DDR2: variants seen among roughly 807,000 people sequenced by gnomAD.
DDR2 encodes discoidin domain receptor tyrosine kinase 2, also known as discoidin domain-containing receptor 2.
Under a neutral mutation model 94.9 loss-of-function variants are expected in DDR2, and 27 were observed. The ratio of observed to expected loss-of-function variants is 0.28; its 90% CI spans 0.21 to 0.39. DDR2 has a LOEUF of 0.39. DDR2 is among the 10% of genes least tolerant of loss of function. The pLI is 1.00. For synonymous variants in DDR2, 382 were observed against 377.2 expected (o/e 1.01, Z -0.15); for missense variants, 783 against 1,076.0 (o/e 0.73, Z 3.81).
intron 2 of DDR2, among the ~76,000 whole-genome samples, chr1:162,678,708 C>G (rs1482596091): frequency 1.3e-5 from 2 of 152,148 alleles, no homozygotes; most frequent in African/African-American, 4.8e-5. Context: ...TCCCGTAAAA[C>G]CGTCTGTCCT....
chr1:162,725,158 T>G (rs1316162927), intron 3 of DDR2, among the ~76,000 whole-genome samples: 1 of 152,136 alleles, frequency 6.6e-6, no homozygotes, highest in African/African-American at 2.4e-5. Context: ...CTTATTAGTA[T>G]TAGTGTTATT....
At chr1:162,686,699 G>T (rs1157212793) in intron 2 of DDR2, among the ~76,000 whole-genome samples, 1 of 152,164 alleles carries the variant, frequency 6.6e-6, no homozygotes, top group Non-Finnish European at 1.5e-5. Flanking sequence ...TGCCTTTATA[G>T]TAGAATGATT....
At chr1:162,641,109 G>C (rs951731965) in intron 1 of DDR2, among the ~76,000 whole-genome samples, 1 of 152,174 alleles carries the variant, frequency 6.6e-6, no homozygotes, top group African/African-American at 2.4e-5. Flanking sequence ...GATGGGCCAA[G>C]GGTTAATAGG....
intron 2 of DDR2, among the ~76,000 whole-genome samples, chr1:162,671,121 G>A (rs751145681): frequency 1.3e-5 from 2 of 152,122 alleles, no homozygotes; most frequent in Non-Finnish European, 2.9e-5. Flanking sequence ...CCTATCACGT[G>A]GGAACTCATT....
chr1:162,729,298 ATATTTT>A (rs1203654468), intron 3 of DDR2, among the ~76,000 whole-genome samples: 7 of 34,448 alleles, frequency 2.0e-4, no homozygotes, highest in African/African-American at 4.1e-4. Flanking sequence ...ATATATATAT[ATATTTT>A]TTTTTTTTTT....
At chr1:162,734,630 G>C (rs1662209367) in intron 3 of DDR2, among the ~76,000 whole-genome samples, 1 of 152,206 alleles carries the variant, frequency 6.6e-6, no homozygotes, top group Non-Finnish European at 1.5e-5. Flanking sequence ...ATGAGCAGGA[G>C]CTAGTGAGTG....
intron 2 of DDR2, among the ~76,000 whole-genome samples, chr1:162,704,768 A>G (rs965972654): frequency 6.6e-6 from 1 of 152,178 alleles, no homozygotes; most frequent in Admixed American, 6.5e-5. Context: ...TAGAATTTCA[A>G]TATAGGAATT....
At chr1:162,750,108 A>T (rs569884538) in intron 3 of DDR2, among the ~76,000 whole-genome samples, 15 of 152,066 alleles carry the variant, frequency 9.9e-5, no homozygotes, top group South Asian at 6.2e-4. Context: ...CTCTCTCACC[A>T]CTCCTATTCA....
At chr1:162,722,883 T>G (rs1434416284) in intron 3 of DDR2, among the ~76,000 whole-genome samples, 1 of 152,202 alleles carries the variant, frequency 6.6e-6, no homozygotes, top group East Asian at 1.9e-4. Flanking sequence ...GATTTCGGCT[T>G]GGAAGTATAG....
intron 1 of DDR2, among the ~76,000 whole-genome samples, chr1:162,637,552 T>C (rs912838371): frequency 6.6e-6 from 1 of 152,150 alleles, no homozygotes. Context: ...ACTCAATGTG[T>C]ATTTATTAAA....
At position 162,768,314 on chromosome 1, in the gene DDR2, C is replaced by T. The variant is rs116145687; in HGVS notation, c.1293+955C>T. ...GTCTGATTCTTTTGGGGCCTGCTGACGACTAAGTGTTTCTGCCTTTGGCCA... is the reference window on the plus strand; with the variant it reads ...GTCTGATTCTTTTGGGGCCTGCTGATGACTAAGTGTTTCTGCCTTTGGCCA... On this transcript the variant is annotated intron_variant, in intron 11 of 17. Transcript: ENST00000367921. 7.9e-3 allele frequency among the ~76,000 whole-genome samples: 1,207 copies of T among 152,252 alleles called. 9 individuals are homozygous for T. Among genetic ancestry groups the T allele is most frequent in the African/African-American group, 0.022 (905 of 41,552 alleles).
chr1:162,637,907 A>G (rs1656909646), intron 1 of DDR2, among the ~76,000 whole-genome samples: 1 of 152,272 alleles, frequency 6.6e-6, no homozygotes, highest in African/African-American at 2.4e-5. Flanking sequence ...AGAAATACAT[A>G]AAATATGATT....
intron 3 of DDR2, among the ~76,000 whole-genome samples, chr1:162,751,337 A>T (rs1237124538): frequency 6.6e-6 from 1 of 152,152 alleles, no homozygotes. Flanking sequence ...ATGGGCAAAG[A>T]ATATGAATAG....
Position 162,682,666 on chromosome 1 carries a change from A to G in DDR2, c.-28+27292A>G, listed in dbSNP as rs367636287. Among the ~76,000 whole-genome samples, 8 of 152,274 alleles carry G rather than the reference A, an allele frequency of 5.3e-5. No individual in the cohort carries two copies. In the South Asian group the frequency reaches 1.7e-3, roughly 32 times the overall value. On this transcript the variant is annotated intron_variant, in intron 2 of 17. Transcript: ENST00000367921. ...TATACTGACTTAGGCAAGTACTTCT[A>G]TTTCTCTGTGTCTCAGTTTCTTCAC...
intron 10 of DDR2, among the ~76,000 whole-genome samples, chr1:162,766,889 G>A (rs553241215): frequency 2.8e-4 from 42 of 151,996 alleles, no homozygotes; most frequent in Non-Finnish European, 4.0e-4. Context: ...AAAATTAGCC[G>A]GGCGTAGTGG....
intron 3 of DDR2, among the ~76,000 whole-genome samples, chr1:162,723,491 T>G (rs1315319983): frequency 6.6e-6 from 1 of 152,130 alleles, no homozygotes; most frequent in Non-Finnish European, 1.5e-5. Context: ...AACCACTGTT[T>G]CAGTGGTTAG....
chr1:162,764,293 C>T (rs1404105013), intron 9 of DDR2, among the ~76,000 whole-genome samples: 1 of 150,260 alleles, frequency 6.7e-6, no homozygotes, highest in Non-Finnish European at 1.5e-5. Flanking sequence ...TAACTTACTA[C>T]AGCCAGAAAC....
At chr1:162,664,435 A>T (rs1026172950) in intron 2 of DDR2, among the ~76,000 whole-genome samples, 1 of 152,176 alleles carries the variant, frequency 6.6e-6, no homozygotes, top group East Asian at 1.9e-4. Context: ...ATACACAAAG[A>T]TTATACACAA....
At chr1:162,749,152 G>C (rs1370976911) in intron 3 of DDR2, among the ~76,000 whole-genome samples, 2 of 152,026 alleles carry the variant, frequency 1.3e-5, no homozygotes, top group Admixed American at 6.6e-5. Context: ...AAATAACTAA[G>C]ATCAGAGCAG....
Sources: allele counts gnomAD v4.1 joint callset (sites outside exome capture counted in the v4.1 genomes callset), GRCh38; gene constraint gnomAD v4.1.1; transcripts MANE v1.5; gene names NCBI Gene and HGNC (gene_info 2026-07-23, HGNC 2026-07-21).